The following LOXL1 variants were observed in gnomAD, a reference collection of about 807,000 sequenced individuals.
LOXL1 encodes the protein lysyl oxidase like 1, also known as lysyl oxidase homolog 1.
Under a neutral mutation model 62.2 loss-of-function variants are expected in LOXL1, and 31 were observed. The observed-to-expected ratio is 0.50, with a 90% CI of 0.37 to 0.67. LOXL1 has a LOEUF of 0.67. LOXL1 is among the 30% of genes least tolerant of loss of function. The pLI, the probability that LOXL1 is intolerant of heterozygous loss-of-function variation, is 0.00. For missense variants in LOXL1, 775 were observed against 843.4 expected (o/e 0.92, Z 1.00); for synonymous variants, 403 against 384.4 (o/e 1.05, Z -0.56).
chr15:73,947,839 T>C lies in LOXL1; in HGVS notation c.1539T>C (p.Asn513=), dbSNP rs1409589215. 1.9e-6 allele frequency: 3 copies of C among 1,613,748 alleles called. No individual in the cohort carries two copies. The highest frequency in any genetic ancestry group is 2.5e-6 in the Non-Finnish European group (3 of 1,179,752). Residue 513 remains asparagine, a synonymous_variant, in exon 5 of 7, where the codon AAT becomes AAC. Transcript: ENST00000261921. The part of the protein sequence containing the change: ...GLSPGCYDTY[N]ADIDCQWIDI... The stretch of plus-strand genomic sequence containing the variant: ...GCCCAGGCTGCTATGACACCTACAA[T>C]GCGGACATCGACTGCCAGTGGATCG...
At chr15:73,949,083 G>A (rs1194631349) in intron 5 of LOXL1, among the ~76,000 whole-genome samples, 1 of 152,196 alleles carries the variant, frequency 6.6e-6, no homozygotes, top group Non-Finnish European at 1.5e-5. Flanking sequence ...AGACAGGGAT[G>A]CATAGGGAAT....
In LOXL1 at chr15:73,927,425, G is replaced by A. The variant is rs932336600; in HGVS notation, c.642G>A (p.Ala214=). The A allele has an allele frequency of 2.0e-6, 3 of 1,493,744 alleles. No homozygotes were observed. The highest frequency in any genetic ancestry group is 4.6e-5 in the Admixed American group (2 of 43,448). The allele number at this position is 1,493,744 out of a possible 1,614,324, so 92.5% of individuals were successfully genotyped here. Residue 214 remains alanine, a synonymous_variant, in exon 1 of 7, where the codon GCG becomes GCA. Transcript: ENST00000261921. ...GGCCCGCGGGCGGCGGCGTGGGCGCGGGGGCGGCGGCCGTGGCCTCGGCGG... is the reference window on the plus strand; with the variant it reads ...GGCCCGCGGGCGGCGGCGTGGGCGCAGGGGCGGCGGCCGTGGCCTCGGCGG... The part of the protein sequence containing the change: ...YYRPAGGGVG[A]GAAAVASAGV...
rs76662135 is a variant in LOXL1 at position 73,930,701 on chromosome 15, G to A, written c.1102+2816G>A. Among the ~76,000 whole-genome samples the A allele has an allele frequency of 0.019, 2,881 of 152,250 alleles. 53 individuals carry two copies. Among genetic ancestry groups the A allele is most frequent in the Non-Finnish European group, 0.03 (2,012 of 68,016 alleles). The stretch of plus-strand genomic sequence containing the variant: ...CACCACCCACCTCCCTCCATGGGTG[G>A]GTGGTTTCCAAGCGCCTGTCCTGAG... On this transcript the variant is annotated intron_variant, in intron 1 of 6. Coordinates refer to ENST00000261921, the MANE Select transcript of LOXL1 (RefSeq NM_005576.4). The surrounding 1 kb of genome is among the most constrained non-coding windows in gnomAD (Gnocchi z 4.7).
chr15:73,945,667 C>T lies in LOXL1; in HGVS notation c.1212-750C>T, dbSNP rs1246581643. ...GGCATACTTTGGTCAACAATTAGGGCTCTGTCTTGTTGTCAGAGACTTATC... is the reference window on the plus strand; with the variant it reads ...GGCATACTTTGGTCAACAATTAGGGTTCTGTCTTGTTGTCAGAGACTTATC... On this transcript the variant is annotated intron_variant, in intron 2 of 6. Transcript: ENST00000261921. This position sits in a 1 kb window ranked among gnomAD's most constrained non-coding sequence, Gnocchi z 4.3. Among the ~76,000 whole-genome samples, 1 of 152,036 alleles carries T rather than the reference C, an allele frequency of 6.6e-6. No homozygotes were observed. The highest frequency in any genetic ancestry group is 2.4e-5 in the African/African-American group (1 of 41,394).
At position 73,942,948 on chromosome 15, in the gene LOXL1, G is replaced by A; in HGVS notation, c.1197G>A (p.Glu399=). Residue 399 remains glutamate (E), a synonymous_variant, in exon 2 of 7, where the codon GAG becomes GAA. Coordinates refer to ENST00000261921, the MANE Select transcript of LOXL1 (RefSeq NM_005576.4). ...ACTCCCTGCGCTGTGCTGCGGAGGA[G>A]AAGTGTCTGGCCAGGTAAGGAGCTG... ...HLYSLRCAAE[E]KCLASTAYAP... 5 of 1,613,606 alleles carry A rather than the reference G, an allele frequency of 3.1e-6. No individual in the cohort carries two copies. The highest frequency in any genetic ancestry group is 1.3e-5 in the African/African-American group (1 of 75,044).
chr15:73,933,509 T>C (rs1468109939), intron 1 of LOXL1, among the ~76,000 whole-genome samples: 1 of 152,222 alleles, frequency 6.6e-6, no homozygotes, highest in African/African-American at 2.4e-5. Flanking sequence ...GAGCCATTAG[T>C]ACCATTATGG....
chr15:73,941,333 C>T (rs188179756), intron 1 of LOXL1, among the ~76,000 whole-genome samples: 2 of 152,256 alleles, frequency 1.3e-5, no homozygotes, highest in Admixed American at 6.5e-5. Context: ...GGACCAGGCT[C>T]CCCCATGAGG....
At chr15:73,928,173 GCTCGCCTTCTGCA>G (rs2068605852) in intron 1 of LOXL1, 1 of 362,752 alleles carries the variant, frequency 2.8e-6, no homozygotes, top group African/African-American at 2.1e-5. Context: ...TTGGGAGGAG[GCTCGCCTTCTGCA>G]CTTGGCTTGG....
Position 73,951,942 on chromosome 15 carries a change from G to A in LOXL1, c.*105G>A. 3.9e-6 allele frequency: 4 copies of A among 1,035,808 alleles called. No homozygotes were observed. Among genetic ancestry groups the A allele is most frequent in the Non-Finnish European group, 5.1e-6 (4 of 778,564 alleles). 64.2% of individuals were successfully genotyped at this position (1,035,808 alleles called of 1,614,324 possible). ...CAGCCCCCAACCCACAGGCACGGAGGGGCATCCCTCCCTGCCGGCCTCAGG... is the reference window on the plus strand; with the variant it reads ...CAGCCCCCAACCCACAGGCACGGAGAGGCATCCCTCCCTGCCGGCCTCAGG... On this transcript the variant is annotated 3_prime_UTR_variant, in exon 7 of 7. Transcript: ENST00000261921.
At chr15:73,931,159 ACTCACCGG>A (rs60071557) in intron 1 of LOXL1, among the ~76,000 whole-genome samples, 43,008 of 151,334 alleles carry the variant, frequency 0.28, 6,703 homozygotes, top group East Asian at 0.54. Flanking sequence ...CCCCCGCCTG[ACTCACCGG>A]CTCTGGCAAT....
In LOXL1 at chr15:73,926,566, G is replaced by C. The variant is rs2068577615; in HGVS notation, c.-218G>C. On this transcript the variant is annotated 5_prime_UTR_variant, in exon 1 of 7. Coordinates refer to ENST00000261921, the MANE Select transcript of LOXL1 (RefSeq NM_005576.4). Reference sequence around the variant, plus strand: ...CCCGGTGCCCTGCGGAGAGCCTCGTGCAGCCCTGGGCACCGCCCCTGCCCT... The same window carrying C: ...CCCGGTGCCCTGCGGAGAGCCTCGTCCAGCCCTGGGCACCGCCCCTGCCCT... The C allele has an allele frequency of 6.7e-6, 3 of 445,740 alleles. No homozygotes were observed. Among genetic ancestry groups the C allele is most frequent in the Admixed American group, 4.4e-5 (1 of 22,798 alleles). 27.6% of individuals were successfully genotyped at this position (445,740 alleles called of 1,614,324 possible). A position where few individuals can be genotyped will look rare whatever the true frequency, so the allele number is the denominator to read the frequency against.
At position 73,927,161 on chromosome 15, in the gene LOXL1, C is replaced by G. The variant is rs2068586834; in HGVS notation, c.378C>G (p.Asp126Glu). 8 of 1,530,526 alleles carry G rather than the reference C, an allele frequency of 5.2e-6. No individual in the cohort carries two copies. In the East Asian group the frequency reaches 2.1e-4, roughly 40 times the overall value. The allele number at this position is 1,530,526 out of a possible 1,614,324, so 94.8% of individuals were successfully genotyped here. ...RHPFGFGQVP[D>E]NWREVAVGDS... ...CATTCGGCTTTGGCCAGGTGCCCGA[C>G]AACTGGCGCGAGGTGGCCGTCGGGG... Residue 126 changes from aspartate to glutamate, a missense_variant, in exon 1 of 7, where the codon GAC (aspartate) becomes GAG (glutamate). Asp to Glu is a conservative substitution (Grantham distance 45). Transcript: ENST00000261921.
At chr15:73,938,379 C>G (rs2068690903) in intron 1 of LOXL1, among the ~76,000 whole-genome samples, 1 of 151,670 alleles carries the variant, frequency 6.6e-6, no homozygotes, top group African/African-American at 2.4e-5. Context: ...TCGTGGAATC[C>G]TATGTAGCAG....
intron 1 of LOXL1, among the ~76,000 whole-genome samples, chr15:73,939,415 C>T (rs2068698283): frequency 6.6e-6 from 1 of 152,196 alleles, no homozygotes; most frequent in African/African-American, 2.4e-5. Context: ...TTGTGTCACC[C>T]CCATGGCCAT....
rs372318716 is a variant in LOXL1 at position 73,927,032 on chromosome 15, C to T, written c.249C>T (p.Ala83=). The change falls in exon 1 of 7, where the codon GCC becomes GCT. Residue 83 remains alanine (A), a synonymous_variant. Transcript: ENST00000261921. The part of the protein sequence containing the change: ...SRVLLAGAPQ[A]QQRRSHGSPR... The stretch of plus-strand genomic sequence containing the variant: ...TGCTGCTGGCCGGCGCGCCCCAGGC[C>T]CAGCAGCGGCGCAGCCACGGGAGCC... The T allele has an allele frequency of 2.1e-4, 287 of 1,378,282 alleles. 1 individual carries two copies. In the African/African-American group the frequency reaches 4.0e-3, roughly 19 times the overall value. 85.4% of individuals were successfully genotyped at this position (1,378,282 alleles called of 1,614,324 possible).
At position 73,927,642 on chromosome 15, in the gene LOXL1, G is replaced by C. The variant is rs908401428; in HGVS notation, c.859G>C (p.Glu287Gln). 17 of 1,488,354 alleles carry C rather than the reference G, an allele frequency of 1.1e-5. No homozygotes were observed. Among genetic ancestry groups the C allele is most frequent in the Non-Finnish European group, 1.5e-5 (17 of 1,125,906 alleles). The allele number at this position is 1,488,354 out of a possible 1,614,324, so 92.2% of individuals were successfully genotyped here. A position where few individuals can be genotyped will look rare whatever the true frequency, so the allele number is the denominator to read the frequency against. Reference protein sequence around the residue: ...SLYSEGTPGFEQAYPDPGPEA... With the variant: ...SLYSEGTPGFQQAYPDPGPEA... ...GTACAGCGAGGGCACCCCCGGCTTCGAGCAGGCCTACCCTGACCCCGGTCC... is the reference window on the plus strand; with the variant it reads ...GTACAGCGAGGGCACCCCCGGCTTCCAGCAGGCCTACCCTGACCCCGGTCC... Residue 287 changes from glutamate (E) to glutamine (Q), a missense_variant, in exon 1 of 7, where the codon GAG (glutamate) becomes CAG (glutamine). Coordinates refer to ENST00000261921, the MANE Select transcript of LOXL1 (RefSeq NM_005576.4).
Position 73,942,975 on chromosome 15 carries a change from G to C in LOXL1, c.1211+13G>C. On this transcript the variant is annotated intron_variant, in intron 2 of 6. Coordinates refer to ENST00000261921, the MANE Select transcript of LOXL1 (RefSeq NM_005576.4). ...AGTGTCTGGCCAGGTAAGGAGCTGA[G>C]GCAGAAGTGTAGAGTGTTGGGATAG... 6.2e-7 allele frequency: 1 copy of C among 1,600,562 alleles called. No homozygotes were observed. Among genetic ancestry groups the C allele is most frequent in the Non-Finnish European group, 8.6e-7 (1 of 1,167,926 alleles).
chr15:73,951,786 C>A lies in LOXL1; in HGVS notation c.1719-45C>A, dbSNP rs529970977. 2.9e-5 allele frequency: 43 copies of A among 1,505,342 alleles called. No homozygotes were observed. The East Asian group carries it at 5.9e-4, about 21-fold the overall frequency. The allele number at this position is 1,505,342 out of a possible 1,614,324, so 93.2% of individuals were successfully genotyped here. On this transcript the variant is annotated intron_variant, in intron 6 of 6. Transcript: ENST00000261921. ...GCCCTGGCTGAGGAGGCCACGGGGG[C>A]CTACTTTGCAGCCCCTCATTGACCC...
At position 73,927,669 on chromosome 15, in the gene LOXL1, G is replaced by C; in HGVS notation, c.886G>C (p.Glu296Gln). The change falls in exon 1 of 7, where the codon GAG (glutamate) becomes CAG (glutamine). Residue 296 changes from glutamate (E) to glutamine (Q), a missense_variant. Coordinates refer to ENST00000261921, the MANE Select transcript of LOXL1 (RefSeq NM_005576.4). ...FEQAYPDPGP[E>Q]AAQAHGGDPR... ...GCAGGCCTACCCTGACCCCGGTCCC[G>C]AGGCGGCGCAGGCCCATGGCGGAGA... The C allele has an allele frequency of 1.3e-6, 2 of 1,486,178 alleles. No homozygotes were observed. Among genetic ancestry groups the C allele is most frequent in the Non-Finnish European group, 1.8e-6 (2 of 1,125,310 alleles). The allele number at this position is 1,486,178 out of a possible 1,614,324, so 92.1% of individuals were successfully genotyped here.
Sources: allele counts gnomAD v4.1 joint callset (sites outside exome capture counted in the v4.1 genomes callset), GRCh38; gene constraint gnomAD v4.1.1; non-coding constraint Gnocchi (gnomAD v3.1); transcripts MANE v1.5; gene names NCBI Gene and HGNC (gene_info 2026-07-23, HGNC 2026-07-21).